Variants in PRKAB1 observed in about 807,000 individuals in gnomAD.
PRKAB1 encodes the protein 5'-AMP-activated protein kinase subunit beta-1.
Under a neutral mutation model 32.0 loss-of-function variants are expected in PRKAB1, and 18 were observed. The ratio of observed to expected loss-of-function variants is 0.56; its 90% CI spans 0.39 to 0.83. The LOEUF (loss-of-function observed/expected upper bound fraction) is 0.83. PRKAB1 is among the 40% of genes least tolerant of loss of function. The probability of loss-of-function intolerance (pLI) is 0.00; values close to 1 mark genes in which losing one functional copy is unlikely to be tolerated. For synonymous variants in PRKAB1, 141 were observed against 141.4 expected, an observed-to-expected ratio of 1.00 and a Z score of 0.02; for missense variants, 263 against 352.6, an observed-to-expected ratio of 0.75 and a Z score of 2.03.
chr12:119,668,995 T>TG (rs1241576874), intron 1 of PRKAB1, among the ~76,000 whole-genome samples: 1 of 151,552 alleles, frequency 6.6e-6, no homozygotes, highest in African/African-American at 2.4e-5. Flanking sequence ...CGGGCGCCTG[T>TG]GGTCCCAGCT....
chr12:119,669,271 C>CT (rs1174061275), intron 1 of PRKAB1, among the ~76,000 whole-genome samples: 5,774 of 122,680 alleles, frequency 0.047, 245 homozygotes, highest in African/African-American at 0.13. Flanking sequence ...GTTCAGCCTA[C>CT]TTTTTTTTTT....
chr12:119,676,457 T>G, intron 4 of PRKAB1, 80 bp from the exon 5 acceptor site: 42 of 1,416,274 alleles, frequency 3.0e-5, no homozygotes, highest in Non-Finnish European at 3.6e-5. Context: ...ACAAGGAAAA[T>G]GAGATGATGA....
In PRKAB1 at chr12:119,674,379, A is replaced by G; in HGVS notation, c.457A>G (p.Ile153Val). The change falls in exon 4 of 7, where the codon ATT becomes GTT. Residue 153 changes from isoleucine to valine, a missense_variant. Coordinates refer to ENST00000229328, the MANE Select transcript of PRKAB1 (RefSeq NM_006253.5). This position sits in a 1 kb window ranked among gnomAD's most constrained non-coding sequence, Gnocchi z 4.3. ...TSQLGTVNNI[I>V]QVKKTDFEVF... ...CCAGCTTGGCACAGTTAACAACATC[A>G]TTCAAGTGAAGAAAACTGACTTTGA... 6.2e-7 allele frequency: 1 copy of G among 1,614,196 alleles called. No individual in the cohort carries two copies. The highest frequency in any genetic ancestry group is 8.5e-7 in the Non-Finnish European group (1 of 1,180,018).
At chr12:119,671,634 T>G in intron 1 of PRKAB1, 1 of 263,948 alleles carries the variant, frequency 3.8e-6, no homozygotes, top group Non-Finnish European at 7.9e-6. Flanking sequence ...GGTCCTGCCC[T>G]TGACACGTGG....
chr12:119,678,382 T>TTTTTA (rs1955442293), intron 5 of PRKAB1: 1 of 152,268 alleles, frequency 6.6e-6, no homozygotes, highest in Non-Finnish European at 1.5e-5. Flanking sequence ...CACAGAGCAG[T>TTTTTA]AGGGAGAACA....
Position 119,679,835 on chromosome 12 carries a change from G to A in PRKAB1, c.667-98G>A, listed in dbSNP as rs878896194. On this transcript the variant is annotated intron_variant, in intron 5 of 6. Transcript: ENST00000229328. The surrounding 1 kb of genome is among the most constrained non-coding windows in gnomAD (Gnocchi z 4.1). ...TTTGGGAAGAGAGGTCGGCCTGAGC[G>A]CTGCCTCCTGTCCTTTGATATCTGG... 1.6e-4 allele frequency: 213 copies of A among 1,319,978 alleles called. No individual in the cohort carries two copies. Among genetic ancestry groups the A allele is most frequent in the Middle Eastern group, 5.4e-4 (3 of 5,510 alleles). 81.8% of individuals were successfully genotyped at this position (1,319,978 alleles called of 1,614,324 possible). A position where few individuals can be genotyped will look rare whatever the true frequency, so the allele number is the denominator to read the frequency against.
chr12:119,676,757 T>C, intron 5 of PRKAB1, 87 bp downstream of exon 5: 1 of 1,498,660 alleles, frequency 6.7e-7, no homozygotes, highest in Non-Finnish European at 9.1e-7. Context: ...GCAAAGCAGC[T>C]GGTGAGCAAG....
intron 4 of PRKAB1, among the ~76,000 whole-genome samples, chr12:119,676,278 C>T (rs752451715): frequency 5.3e-5 from 8 of 152,134 alleles, no homozygotes; most frequent in Non-Finnish European, 1.0e-4. Context: ...TGTGATCTGA[C>T]GCAGACTCAC....
chr12:119,674,203 C>A lies in PRKAB1; in HGVS notation c.418-137C>A. ...CTGAGTAGCAGCACTACCTGTCAGA[C>A]AGTTGGCATACTTGACCAAGATGAG... On this transcript the variant is annotated intron_variant, in intron 3 of 6. Coordinates refer to ENST00000229328, the MANE Select transcript of PRKAB1 (RefSeq NM_006253.5). This position sits in a 1 kb window ranked among gnomAD's most constrained non-coding sequence, Gnocchi z 4.3. 1 of 1,009,064 alleles carries A rather than the reference C, an allele frequency of 9.9e-7. No homozygotes were observed. Among genetic ancestry groups the A allele is most frequent in the Non-Finnish European group, 1.5e-6 (1 of 669,132 alleles). 62.5% of individuals were successfully genotyped at this position (1,009,064 alleles called of 1,614,324 possible).
At chr12:119,671,377 TGTAGA>T (rs1423463449) in intron 1 of PRKAB1, 2 of 279,632 alleles carry the variant, frequency 7.2e-6, no homozygotes, top group Non-Finnish European at 7.4e-6. Context: ...CATGCTACTA[TGTAGA>T]AATACCCGAG....
chr12:119,668,478 A>G, intron 1 of PRKAB1, 75 bp downstream of exon 1: 1 of 1,549,624 alleles, frequency 6.5e-7, no homozygotes, highest in South Asian at 1.2e-5. Flanking sequence ...GATTCCCGTC[A>G]CATCCTTTCG....
intron 5 of PRKAB1, among the ~76,000 whole-genome samples, chr12:119,677,060 T>G (rs1053746940): frequency 6.6e-6 from 1 of 152,206 alleles, no homozygotes; most frequent in African/African-American, 2.4e-5. Context: ...GATCAAAATT[T>G]GGGATATCTA....
intron 6 of PRKAB1, 90 bp from the exon 7 acceptor site, chr12:119,680,158 G>T: frequency 6.7e-7 from 1 of 1,501,616 alleles, no homozygotes; most frequent in Non-Finnish European, 9.2e-7. Context: ...CCGGGAATTT[G>T]TGGTTTTATG....
rs973346425 is a variant in PRKAB1, at chr12:119,681,072, G to C, written c.*747G>C. On this transcript the variant is annotated 3_prime_UTR_variant, in exon 7 of 7. Coordinates refer to ENST00000229328, the MANE Select transcript of PRKAB1 (RefSeq NM_006253.5). ...GAACAGACTTTTCAACCTGCTGCCG[G>C]ATTTCTCCATTCAGCTGGATGATCC... is the stretch of plus-strand genomic sequence containing the variant. 1 of 152,560 alleles carries C rather than the reference G, an allele frequency of 6.6e-6. No homozygotes were observed. 9.5% of individuals were successfully genotyped at this position (152,560 alleles called of 1,614,324 possible).
Position 119,674,374 on chromosome 12 carries a change from A to G in PRKAB1, c.452A>G (p.Asn151Ser). The G allele has an allele frequency of 6.2e-7, 1 of 1,614,190 alleles. No individual in the cohort carries two copies. Among genetic ancestry groups the G allele is most frequent in the Non-Finnish European group, 8.5e-7 (1 of 1,180,008 alleles). ...ACCAGCCAGCTTGGCACAGTTAACAACATCATTCAAGTGAAGAAAACTGAC... is the reference window on the plus strand; with the variant it reads ...ACCAGCCAGCTTGGCACAGTTAACAGCATCATTCAAGTGAAGAAAACTGAC... ...IVTSQLGTVN[N>S]IIQVKKTDFE... The change falls in exon 4 of 7, where the codon AAC (asparagine) becomes AGC (serine). Residue 151 changes from asparagine (N) to serine (S), a missense_variant. Coordinates refer to ENST00000229328, the MANE Select transcript of PRKAB1 (RefSeq NM_006253.5). This position sits in a 1 kb window ranked among gnomAD's most constrained non-coding sequence, Gnocchi z 4.3.
At chr12:119,675,921 G>T (rs1401759665) in intron 4 of PRKAB1, among the ~76,000 whole-genome samples, 1 of 152,160 alleles carries the variant, frequency 6.6e-6, no homozygotes, top group African/African-American at 2.4e-5. Context: ...ATGAAATCCT[G>T]CTCTTGTAGC....
intron 1 of PRKAB1, among the ~76,000 whole-genome samples, chr12:119,670,874 T>C (rs1246434753): frequency 6.6e-6 from 1 of 152,210 alleles, no homozygotes; most frequent in East Asian, 1.9e-4. Context: ...AATACAGGCA[T>C]CATTTGGATA....
At position 119,668,412 on chromosome 12, in the gene PRKAB1, G is replaced by A. The variant is rs1212945031; in HGVS notation, c.159+9G>A. On this transcript the variant is annotated intron_variant, in intron 1 of 6. Transcript: ENST00000229328. ...ACTCCGAGGAAATCAAGGTGCGAGC[G>A]GTGTGGAGGAACCCGATTCCCCTTG... The A allele has an allele frequency of 4.3e-6, 7 of 1,611,600 alleles. No individual in the cohort carries two copies. The highest frequency in any genetic ancestry group is 5.9e-6 in the Non-Finnish European group (7 of 1,179,084).
At chr12:119,668,130 T>C, upstream of PRKAB1, 1 of 1,268,558 alleles carries the variant, frequency 7.9e-7, no homozygotes, top group Non-Finnish European at 1.0e-6. Context: ...GTCCTGGTGC[T>C]CCGACTCCTT....
Sources: allele counts gnomAD v4.1 joint callset (sites outside exome capture counted in the v4.1 genomes callset), GRCh38; gene constraint gnomAD v4.1.1; non-coding constraint Gnocchi (gnomAD v3.1); transcripts MANE v1.5; gene names NCBI Gene and HGNC (gene_info 2026-07-23, HGNC 2026-07-21).